Variants in GAP43 observed in about 807,000 individuals in gnomAD.
GAP43 encodes the protein neuromodulin.
A neutral mutation model predicts 18.6 loss-of-function variants in GAP43; 6 were observed. The observed-to-expected ratio is 0.32, with a 90% confidence interval of 0.18 to 0.64. GAP43 has a LOEUF of 0.64. GAP43 is among the 30% of genes least tolerant of loss of function. The probability of loss-of-function intolerance (pLI) is 0.78; values close to 1 mark genes in which losing one functional copy is unlikely to be tolerated. For synonymous variants in GAP43, 115 were observed against 111.4 expected, an observed-to-expected ratio of 1.03 and a Z score of -0.20; for missense variants, 292 against 295.5, an observed-to-expected ratio of 0.99 and a Z score of 0.09.
intron 1 of GAP43, among the ~76,000 whole-genome samples, chr3:115,639,521 T>G (rs535543326): frequency 6.6e-6 from 1 of 152,218 alleles, no homozygotes; most frequent in South Asian, 2.1e-4. Context: ...GATCTTCCCC[T>G]TTGTCAATAA....
At chr3:115,698,273 T>A (rs13317167) in intron 2 of GAP43, among the ~76,000 whole-genome samples, 5 of 10,360 alleles carry the variant, frequency 4.8e-4, no homozygotes, top group Non-Finnish European at 8.0e-4. Flanking sequence ...AAAATATATA[T>A]TATATATAAA....
intron 2 of GAP43, among the ~76,000 whole-genome samples, chr3:115,692,433 T>A (rs990149552): frequency 1.3e-5 from 2 of 152,052 alleles, no homozygotes; most frequent in African/African-American, 4.8e-5. Flanking sequence ...GAAGTTACAG[T>A]CTGGATGGGG....
intron 2 of GAP43, among the ~76,000 whole-genome samples, chr3:115,705,333 C>A (rs183992981): frequency 6.6e-6 from 1 of 152,244 alleles, no homozygotes; most frequent in Admixed American, 6.5e-5. Flanking sequence ...ATAATTAAAT[C>A]ATTTAATCAA....
intron 1 of GAP43, among the ~76,000 whole-genome samples, chr3:115,625,643 A>C (rs1708178458): frequency 6.6e-6 from 1 of 152,218 alleles, no homozygotes; most frequent in African/African-American, 2.4e-5. Flanking sequence ...TTAATAAAGG[A>C]AATCATGTAT....
chr3:115,708,379 A>G (rs1258265243), intron 2 of GAP43, among the ~76,000 whole-genome samples: 1 of 152,178 alleles, frequency 6.6e-6, no homozygotes. Context: ...TCCTTCACTG[A>G]TATCATTGGC....
At position 115,672,771 on chromosome 3, in the gene GAP43, T is replaced by TCCTC. The variant is rs1353872961; in HGVS notation, c.31-3242_31-3241insCCTC. Among the ~76,000 whole-genome samples the TCCTC allele has an allele frequency of 2.2e-3, 116 of 53,028 alleles. 1 individual carries two copies. The highest frequency in any genetic ancestry group is 7.0e-3 in the African/African-American group (109 of 15,578). 34.8% of individuals were successfully genotyped at this position (53,028 alleles called of 152,430 possible). On this transcript the variant is annotated intron_variant, in intron 1 of 2. Coordinates refer to ENST00000305124, the MANE Select transcript of GAP43 (RefSeq NM_002045.4). Reference sequence around the variant, plus strand: ...CTCCTCTCCTCTCCTCTCCTCTCCTTTCCTTTCCTTTCATTTCCCTGCGTC... The same window carrying TCCTC: ...CTCCTCTCCTCTCCTCTCCTCTCCTTCCTCTCCTTTCCTTTCATTTCCCTGCGTC...
chr3:115,641,441 CTA>C (rs372157588), intron 1 of GAP43, among the ~76,000 whole-genome samples: 127 of 146,920 alleles, frequency 8.6e-4, no homozygotes, highest in South Asian at 5.9e-3. Flanking sequence ...CACACAGACA[CTA>C]TATATATATA....
chr3:115,626,347 G>C (rs1708188158), intron 1 of GAP43, among the ~76,000 whole-genome samples: 1 of 152,148 alleles, frequency 6.6e-6, no homozygotes, highest in South Asian at 2.1e-4. Flanking sequence ...TCTTCCACTT[G>C]AGCGGCATAA....
intron 1 of GAP43, among the ~76,000 whole-genome samples, chr3:115,670,241 G>A (rs1708800158): frequency 7.4e-6 from 1 of 136,006 alleles, no homozygotes; most frequent in East Asian, 2.1e-4. Context: ...GTGAGAATAT[G>A]CGGTGTTTGG....
chr3:115,651,908 C>A (rs1230547900), intron 1 of GAP43, among the ~76,000 whole-genome samples: 1 of 152,150 alleles, frequency 6.6e-6, no homozygotes, highest in Admixed American at 6.6e-5. Flanking sequence ...CTCTCCTCCT[C>A]TAAGCTGGTT....
intron 2 of GAP43, among the ~76,000 whole-genome samples, chr3:115,698,000 T>TGC (rs1559804056): frequency 8.7e-6 from 1 of 114,790 alleles, no homozygotes; most frequent in Non-Finnish European, 1.7e-5. Flanking sequence ...TGTGTGTGTG[T>TGC]GTGTGTGTGT....
At chr3:115,693,840 C>G (rs971360554) in intron 2 of GAP43, among the ~76,000 whole-genome samples, 34 of 152,172 alleles carry the variant, frequency 2.2e-4, no homozygotes, top group East Asian at 1.9e-4. Context: ...CTTTCCTGCT[C>G]CCCACTTTTA....
At chr3:115,650,961 C>CA (rs1241172434) in intron 1 of GAP43, among the ~76,000 whole-genome samples, 2 of 151,242 alleles carry the variant, frequency 1.3e-5, no homozygotes, top group African/African-American at 2.4e-5. Context: ...CTTGTCTCTA[C>CA]AAAAAAATAA....
At chr3:115,712,367 A>T (rs184209599) in intron 2 of GAP43, among the ~76,000 whole-genome samples, 1 of 152,282 alleles carries the variant, frequency 6.6e-6, no homozygotes, top group East Asian at 1.9e-4. Context: ...AAGGTCTCTT[A>T]ATCATCTGTC....
At chr3:115,716,710 TCAGA>T (rs201107665) in intron 2 of GAP43, among the ~76,000 whole-genome samples, 9,324 of 44,214 alleles carry the variant, frequency 0.21, 1,817 homozygotes, top group East Asian at 0.45. Context: ...TACTTTAATC[TCAGA>T]CAAATATATA....
chr3:115,627,042 C>CTT (rs36058685), intron 1 of GAP43, among the ~76,000 whole-genome samples: 1 of 129,236 alleles, frequency 7.7e-6, no homozygotes, highest in Non-Finnish European at 1.7e-5. Flanking sequence ...GCTTCTCGTT[C>CTT]TTTTTTTTTT....
intron 2 of GAP43, among the ~76,000 whole-genome samples, chr3:115,712,814 A>G (rs1709458517): frequency 6.6e-6 from 1 of 152,208 alleles, no homozygotes; most frequent in Non-Finnish European, 1.5e-5. Flanking sequence ...TGCAGATATC[A>G]CTGAGACCCC....
intron 2 of GAP43, among the ~76,000 whole-genome samples, chr3:115,712,538 T>A (rs1402869053): frequency 6.6e-6 from 1 of 152,214 alleles, no homozygotes; most frequent in African/African-American, 2.4e-5. Flanking sequence ...ATAAATTGGA[T>A]TAAAATCTCG....
intron 2 of GAP43, among the ~76,000 whole-genome samples, chr3:115,705,137 G>A (rs1471609802): frequency 1.3e-5 from 2 of 152,114 alleles, no homozygotes; most frequent in African/African-American, 2.4e-5. Flanking sequence ...GCCGAACCAC[G>A]GCAAGGCATG....
Sources: gnomAD v4.1 joint callset for allele counts (sites outside exome capture counted in the v4.1 genomes callset) on GRCh38, gnomAD v4.1.1 for gene constraint, MANE v1.5 for transcripts, NCBI Gene and HGNC (gene_info 2026-07-23, HGNC 2026-07-21) for gene names.